GALNT12: variants seen among roughly 807,000 people sequenced by gnomAD.
GALNT12 encodes UDP-GalNAc:polypeptide N-acetylgalactosaminyltransferase 12.
GALNT12 carries 45 observed loss-of-function variants against 55.5 expected under a neutral mutation model. The observed-to-expected ratio is 0.81, with a 90% CI of 0.64 to 1.04. The LOEUF is 1.04. GALNT12 is among the 50% of genes least tolerant of loss of function. The pLI, the probability that GALNT12 is intolerant of heterozygous loss-of-function variation, is 0.00. For synonymous variants in GALNT12, 304 were observed against 312.2 expected (o/e 0.97, Z 0.28); for missense variants, 709 against 754.8 (o/e 0.94, Z 0.71).
intron 1 of GALNT12, among the ~76,000 whole-genome samples, chr9:98,816,985 T>C (rs1319997702): frequency 1.3e-5 from 2 of 151,900 alleles, no homozygotes; most frequent in Non-Finnish European, 2.9e-5. Context: ...CCACCACGCC[T>C]GGCTAATTTT....
chr9:98,842,071 GT>G (rs11322655), intron 7 of GALNT12, among the ~76,000 whole-genome samples: 107,546 of 149,498 alleles, frequency 0.72, 38,819 homozygotes, highest in East Asian at 1. Flanking sequence ...CTACTGGGTT[GT>G]TTTTTTTTTT....
Position 98,849,091 on chromosome 9 carries a change from G to T in GALNT12, c.1745G>T (p.Ter582LeuextTer24), listed in dbSNP as rs1836490804. The change falls in exon 10 of 10, where the codon TGA becomes TTA. Residue 582 changes from the stop codon to leucine, a stop_lost. Coordinates refer to ENST00000375011, the MANE Select transcript of GALNT12 (RefSeq NM_024642.5). ...TGGTTCTTCAAAGAGCGCATGTTAT[G>T]AAGCCTCGTGTATCAAGGAGCCCAT... is the stretch of plus-strand genomic sequence containing the variant. ...QKWFFKERML[*>L] The T allele has an allele frequency of 1.9e-6, 3 of 1,614,080 alleles. No homozygotes were observed. The highest frequency in any genetic ancestry group is 2.5e-6 in the Non-Finnish European group (3 of 1,180,038).
intron 6 of GALNT12, 59 bp downstream of exon 6, chr9:98,837,207 C>G (rs1255035765): frequency 6.5e-7 from 1 of 1,535,636 alleles, no homozygotes; most frequent in Admixed American, 1.7e-5. Context: ...AGCAGCTAAT[C>G]GTGGCTTCCC....
chr9:98,844,388 A>T (rs557787954), intron 8 of GALNT12, 179 bp downstream of exon 8: 1 of 614,836 alleles, frequency 1.6e-6, no homozygotes, highest in East Asian at 2.8e-5. Context: ...CATTTTTTAC[A>T]CATAACACAC....
intron 8 of GALNT12, among the ~76,000 whole-genome samples, 180 bp from the exon 9 acceptor site, chr9:98,845,797 G>A (rs1235226035): frequency 2.0e-5 from 3 of 152,174 alleles, no homozygotes; most frequent in Non-Finnish European, 4.4e-5. Flanking sequence ...AAGCACTGCA[G>A]TAGCGGTTCA....
chr9:98,827,116 T>G (rs1222193286), intron 3 of GALNT12, among the ~76,000 whole-genome samples, 175 bp downstream of exon 3: 3 of 152,212 alleles, frequency 2.0e-5, no homozygotes, highest in Non-Finnish European at 4.4e-5. Flanking sequence ...GTTAAATGAT[T>G]TAGTGCATGG....
At chr9:98,819,279 G>A (rs561543820) in intron 1 of GALNT12, among the ~76,000 whole-genome samples, 41 of 152,174 alleles carry the variant, frequency 2.7e-4, no homozygotes, top group Non-Finnish European at 5.6e-4. Flanking sequence ...TGTGGACCAG[G>A]CTCCCTTCTC....
rs555025078 is a variant in GALNT12, at chr9:98,821,993, C to T, written c.372-1263C>T. On this transcript the variant is annotated intron_variant, in intron 1 of 9. Coordinates refer to ENST00000375011, the MANE Select transcript of GALNT12 (RefSeq NM_024642.5). ...GCCTATCTGACATGCGGTAGGTGCT[C>T]GGGAAGTTTTTGGTGACTGACTGAT... Among the ~76,000 whole-genome samples, 12 of 152,286 alleles carry T rather than the reference C, an allele frequency of 7.9e-5. 1 individual carries two copies. In the South Asian group the frequency reaches 1.9e-3, roughly 24 times the overall value.
At chr9:98,829,223 C>T (rs950548986) in intron 3 of GALNT12, among the ~76,000 whole-genome samples, 2 of 151,768 alleles carry the variant, frequency 1.3e-5, no homozygotes, top group Non-Finnish European at 2.9e-5. Context: ...GAGTCTCGCT[C>T]TGTTGCCCAG....
chr9:98,817,106 G>A (rs1267195439), intron 1 of GALNT12, among the ~76,000 whole-genome samples: 1 of 152,002 alleles, frequency 6.6e-6, no homozygotes, highest in African/African-American at 2.4e-5. Context: ...GATTACAGGC[G>A]TGGGCCACTG....
At position 98,846,045 on chromosome 9, in the gene GALNT12, G is replaced by T. The variant is rs748688612; in HGVS notation, c.1527G>T (p.Val509=). The stretch of plus-strand genomic sequence containing the variant: ...ACCAGCCTGAGGGCTGCATTGCTGT[G>T]GAAGCAGGAATGGATACCCTTATCA... ...NTHQPEGCIA[V]EAGMDTLIMH... is the part of the protein sequence containing the mutation. Residue 509 remains valine (V), a synonymous_variant, in exon 9 of 10, where the codon GTG becomes GTT. Coordinates refer to ENST00000375011, the MANE Select transcript of GALNT12 (RefSeq NM_024642.5). 6.2e-7 allele frequency: 1 copy of T among 1,613,910 alleles called. No homozygotes were observed. Among genetic ancestry groups the T allele is most frequent in the African/African-American group, 1.3e-5 (1 of 74,884 alleles).
At chr9:98,813,625 T>G (rs1054050293) in intron 1 of GALNT12, among the ~76,000 whole-genome samples, 1 of 152,070 alleles carries the variant, frequency 6.6e-6, no homozygotes, top group African/African-American at 2.4e-5. Flanking sequence ...AGCTTCTCCC[T>G]AGTAGCTGGG....
chr9:98,849,169 T>G lies in GALNT12; in HGVS notation c.*77T>G, dbSNP rs139490020. ...GCCCAACAAAGACTTAGCTAAGCAG[T>G]GACCAGAACCCACCAAAAACTAGGC... On this transcript the variant is annotated 3_prime_UTR_variant, in exon 10 of 10. Transcript: ENST00000375011. The G allele has an allele frequency of 1.7e-5, 25 of 1,510,934 alleles. No individual in the cohort carries two copies. The African/African-American group carries it at 2.6e-4, about 16-fold the overall frequency. The allele number at this position is 1,510,934 out of a possible 1,614,324, so 93.6% of individuals were successfully genotyped here.
chr9:98,812,189 C>T (rs1023005170), intron 1 of GALNT12, among the ~76,000 whole-genome samples: 2 of 152,120 alleles, frequency 1.3e-5, no homozygotes, highest in Admixed American at 6.5e-5. Context: ...AGAACATGTT[C>T]AATTTCGGTT....
chr9:98,845,272 G>A (rs1564263319), intron 8 of GALNT12, among the ~76,000 whole-genome samples: 1 of 152,080 alleles, frequency 6.6e-6, no homozygotes, highest in Non-Finnish European at 1.5e-5. Flanking sequence ...CCTGCTCTGT[G>A]CGCCTTAAGA....
intron 9 of GALNT12, among the ~76,000 whole-genome samples, chr9:98,846,710 T>C (rs1339421847): frequency 7.6e-6 from 1 of 132,144 alleles, no homozygotes; most frequent in Non-Finnish European, 1.6e-5. Context: ...AAAAAAAAAA[T>C]AGCCAGGTGT....
At chr9:98,832,204 T>C (rs1218421338) in intron 4 of GALNT12, among the ~76,000 whole-genome samples, 1 of 152,224 alleles carries the variant, frequency 6.6e-6, no homozygotes, top group Non-Finnish European at 1.5e-5. Flanking sequence ...ATAGAGAATT[T>C]ACCATTTTAA....
In GALNT12 at chr9:98,846,179, T is replaced by A. The variant is rs1338969577; in HGVS notation, c.1605+56T>A. On this transcript the variant is annotated intron_variant, in intron 9 of 9. Coordinates refer to ENST00000375011, the MANE Select transcript of GALNT12 (RefSeq NM_024642.5). The stretch of plus-strand genomic sequence containing the variant: ...ACAGTCCCTGGGCTATAAGGGAGAG[T>A]GTGAGAGTCAGACGTTCTCTCTGGC... 2.5e-6 allele frequency: 4 copies of A among 1,598,520 alleles called. No homozygotes were observed. In the East Asian group the frequency reaches 8.9e-5, roughly 36 times the overall value.
At chr9:98,820,412 C>G (rs1434954159) in intron 1 of GALNT12, among the ~76,000 whole-genome samples, 1 of 152,170 alleles carries the variant, frequency 6.6e-6, no homozygotes, top group East Asian at 1.9e-4. Context: ...CATGTCCTTG[C>G]AAAGGACATA....
Sources: gnomAD v4.1 joint callset for allele counts (sites outside exome capture counted in the v4.1 genomes callset) on GRCh38, gnomAD v4.1.1 for gene constraint, MANE v1.5 for transcripts, NCBI Gene and HGNC (gene_info 2026-07-23, HGNC 2026-07-21) for gene names.